Variants in PLPP1 observed in about 807,000 individuals in gnomAD.
PLPP1 encodes phospholipid phosphatase 1.
Under a neutral mutation model 31.2 loss-of-function variants are expected in PLPP1, and 24 were observed. The observed-to-expected ratio is 0.77, with a 90% CI of 0.56 to 1.08. The LOEUF (loss-of-function observed/expected upper bound fraction) is 1.08. Among genes scored for constraint, PLPP1 ranks in the 50% least tolerant of loss-of-function variants. The pLI, the probability that PLPP1 is intolerant of heterozygous loss-of-function variation, is 0.00. For missense variants in PLPP1, 319 were observed against 342.7 expected (o/e 0.93, Z 0.55); for synonymous variants, 146 against 126.3 (o/e 1.16, Z -1.05).
intron 3 of PLPP1, among the ~76,000 whole-genome samples, chr5:55,458,681 A>T (rs1752075328): frequency 6.6e-6 from 1 of 152,096 alleles, no homozygotes; most frequent in Non-Finnish European, 1.5e-5. Flanking sequence ...TGAAGTCAGG[A>T]GTTCGGGACC....
intron 1 of PLPP1, among the ~76,000 whole-genome samples, chr5:55,505,151 C>G (rs1203404936): frequency 6.6e-6 from 1 of 152,046 alleles, no homozygotes. Context: ...TCCTTCTCTC[C>G]CTTACCTCCT....
chr5:55,467,878 T>G lies in PLPP1; in HGVS notation c.482A>C (p.Lys161Thr). 1 of 1,611,744 alleles carries G rather than the reference T, an allele frequency of 6.2e-7. No homozygotes were observed. The highest frequency in any genetic ancestry group is 8.5e-7 in the Non-Finnish European group (1 of 1,178,636). Residue 161 changes from lysine to threonine, a missense_variant, in exon 3 of 6, where the codon AAG becomes ACG. Transcript: ENST00000307259. ...YICRGNAERV[K>T]EGRLSFYSGH... ...GCGATTTAACACTCACCTGCCTTCC[T>G]TAACTCTTTCTGCATTCCCTCGACA...
intron 1 of PLPP1, among the ~76,000 whole-genome samples, chr5:55,502,448 C>T (rs1656271554): frequency 6.6e-6 from 1 of 151,228 alleles, no homozygotes; most frequent in African/African-American, 2.4e-5. Flanking sequence ...GATCGTGCCA[C>T]TGCACTCCAG....
intron 1 of PLPP1, among the ~76,000 whole-genome samples, chr5:55,529,833 G>A (rs1740597710): frequency 6.6e-6 from 1 of 152,108 alleles, no homozygotes; most frequent in Non-Finnish European, 1.5e-5. Context: ...TGGGAGGAAT[G>A]TACCAAATTT....
At position 55,475,410 on chromosome 5, in the gene PLPP1, G is replaced by A. The variant is rs1259627379; in HGVS notation, c.99C>T (p.Pro33=). 1.9e-6 allele frequency: 3 copies of A among 1,612,252 alleles called. No homozygotes were observed. Among genetic ancestry groups the A allele is most frequent in the Admixed American group, 1.7e-5 (1 of 59,752 alleles). ...CATTACAGAATACTCCTCGTTGGAA[G>A]GGGGTATGCCTTGAAGTAAGAATTG... The part of the protein sequence containing the change: ...PFAILTSRHT[P]FQRGVFCNDE... Residue 33 remains proline, a synonymous_variant, in exon 2 of 6, where the codon CCC becomes CCT. Coordinates refer to ENST00000307259, the MANE Select transcript of PLPP1 (RefSeq NM_003711.4).
chr5:55,450,837 T>C (rs6873784), intron 3 of PLPP1, among the ~76,000 whole-genome samples: 132,639 of 152,190 alleles, frequency 0.87, 58,031 homozygotes, highest in South Asian at 0.92. Context: ...CCACCACCCA[T>C]CCCCTTTGTA....
At chr5:55,465,329 G>T (rs981848206) in intron 3 of PLPP1, among the ~76,000 whole-genome samples, 9 of 152,176 alleles carry the variant, frequency 5.9e-5, no homozygotes, top group African/African-American at 2.2e-4. Flanking sequence ...GCAGGCATGA[G>T]CCACCACGCC....
Position 55,434,179 on chromosome 5 carries a change from A to G in PLPP1, c.549+7672T>C, listed in dbSNP as rs186867224. 1.0e-3 allele frequency among the ~76,000 whole-genome samples: 157 copies of G among 151,986 alleles called. 1 individual carries two copies. The highest frequency in any genetic ancestry group is 3.1e-3 in the South Asian group (15 of 4,820). On this transcript the variant is annotated intron_variant, in intron 4 of 5. Coordinates refer to ENST00000307259, the MANE Select transcript of PLPP1 (RefSeq NM_003711.4). Reference sequence around the variant, plus strand: ...AATCCCATTAACAATAGCTACAAAAAAAGAAGAAGAAGAAAAAAAGACACC... The same window carrying G: ...AATCCCATTAACAATAGCTACAAAAGAAGAAGAAGAAGAAAAAAAGACACC...
intron 1 of PLPP1, among the ~76,000 whole-genome samples, chr5:55,501,201 TA>T (rs1753136368): frequency 6.6e-6 from 1 of 152,072 alleles, no homozygotes; most frequent in African/African-American, 2.4e-5. Context: ...TAATCCCAGC[TA>T]CTCAGGAGGC....
chr5:55,453,207 C>T (rs1751931126), intron 3 of PLPP1, among the ~76,000 whole-genome samples: 1 of 152,110 alleles, frequency 6.6e-6, no homozygotes, highest in Non-Finnish European at 1.5e-5. Context: ...ACTTTAACAA[C>T]TTATGTTTTG....
Position 55,425,895 on chromosome 5 carries a change from G to C in PLPP1, c.694C>G (p.Leu232Val), listed in dbSNP as rs1751173962. 6.2e-7 allele frequency: 1 copy of C among 1,611,726 alleles called. No individual in the cohort carries two copies. Among genetic ancestry groups the C allele is most frequent in the Admixed American group, 1.7e-5 (1 of 59,474 alleles). The change falls in exon 5 of 6, where the codon CTC becomes GTC. Residue 232 changes from leucine to valine, a missense_variant. Leu to Val is a conservative substitution (Grantham distance 32). Transcript: ENST00000307259. ...ATTGCAACCAGAGCTCCCTGAATGA[G>C]TCCAGTCAACACATCGCTCCAGTGG... is the stretch of plus-strand genomic sequence containing the variant. ...KHHWSDVLTG[L>V]IQGALVAILV...
chr5:55,500,995 GAA>G (rs1368516474), intron 1 of PLPP1, among the ~76,000 whole-genome samples: 5 of 152,106 alleles, frequency 3.3e-5, no homozygotes, highest in Non-Finnish European at 7.4e-5. Flanking sequence ...TAGAGCAAAG[GAA>G]AAGTCTATTT....
rs188973357 is a variant in PLPP1 at position 55,424,998 on chromosome 5, T to G, written c.*208A>C. On this transcript the variant is annotated 3_prime_UTR_variant, in exon 6 of 6. Coordinates refer to ENST00000307259, the MANE Select transcript of PLPP1 (RefSeq NM_003711.4). Reference sequence around the variant, plus strand: ...GTGGGGCACTGTTTTGGTGGAAGGCTTGGAGTTTTTTTAATGAGTTTAGAG... The same window carrying G: ...GTGGGGCACTGTTTTGGTGGAAGGCGTGGAGTTTTTTTAATGAGTTTAGAG... 2.8e-6 allele frequency: 2 copies of G among 720,662 alleles called. No individual in the cohort carries two copies. Among genetic ancestry groups the G allele is most frequent in the Admixed American group, 6.0e-5 (2 of 33,414 alleles). 44.6% of individuals were successfully genotyped at this position (720,662 alleles called of 1,614,324 possible).
intron 2 of PLPP1, among the ~76,000 whole-genome samples, chr5:55,473,997 GTTT>G (rs756603259): frequency 1.0e-3 from 29 of 28,086 alleles, no homozygotes; most frequent in African/African-American, 2.6e-3. Context: ...TTTGTTTGTT[GTTT>G]TTTTTTTTTT....
intron 4 of PLPP1, among the ~76,000 whole-genome samples, chr5:55,429,017 C>T (rs1579914595): frequency 6.6e-6 from 1 of 152,148 alleles, no homozygotes; most frequent in Non-Finnish European, 1.5e-5. Context: ...TGCATACCCA[C>T]ATCTCCCTGC....
chr5:55,495,574 C>T (rs1752987909), intron 1 of PLPP1, among the ~76,000 whole-genome samples: 1 of 152,098 alleles, frequency 6.6e-6, no homozygotes, highest in Non-Finnish European at 1.5e-5. Context: ...AGACTGAGGT[C>T]TTTACTGAGA....
intron 1 of PLPP1, among the ~76,000 whole-genome samples, chr5:55,487,741 A>G (rs1243579306): frequency 6.6e-6 from 1 of 152,144 alleles, no homozygotes; most frequent in East Asian, 1.9e-4. Flanking sequence ...AAACAAACAA[A>G]TCTACCCTAA....
chr5:55,509,028 GAACTC>G (rs1753347903), intron 1 of PLPP1: 1 of 152,414 alleles, frequency 6.6e-6, no homozygotes, highest in African/African-American at 2.4e-5. Flanking sequence ...ATTGGTAACT[GAACTC>G]AATCTGCTGT....
chr5:55,444,277 C>T (rs2111717261), intron 3 of PLPP1, among the ~76,000 whole-genome samples: 1 of 152,248 alleles, frequency 6.6e-6, no homozygotes, highest in South Asian at 2.1e-4. Flanking sequence ...GACGAGGTTT[C>T]GCCACATTGG....
Sources: allele counts gnomAD v4.1 joint callset (sites outside exome capture counted in the v4.1 genomes callset), GRCh38; gene constraint gnomAD v4.1.1; transcripts MANE v1.5; gene names NCBI Gene and HGNC (gene_info 2026-07-23, HGNC 2026-07-21).